The following CTNNA2 variants were observed in gnomAD, a reference collection of about 807,000 sequenced individuals.
CTNNA2 encodes the protein catenin alpha-2.
Under a neutral mutation model 101.0 loss-of-function variants are expected in CTNNA2, and 42 were observed. That is an observed-to-expected ratio of 0.42 (90% CI 0.32 to 0.54). CTNNA2 has a LOEUF of 0.54. Among genes scored for constraint, CTNNA2 ranks in the 20% least tolerant of loss-of-function variants. CTNNA2 has a pLI of 0.14. For synonymous variants in CTNNA2, 450 were observed against 456.4 expected (o/e 0.99, Z 0.18); for missense variants, 871 against 1,223.1 (o/e 0.71, Z 4.29).
At chr2:79,549,889 G>T (rs1381430516) in intron 1 of CTNNA2, among the ~76,000 whole-genome samples, 2 of 152,108 alleles carry the variant, frequency 1.3e-5, no homozygotes, top group Non-Finnish European at 2.9e-5. Flanking sequence ...TGAGACTTAT[G>T]CTTGACTTTA....
At chr2:79,347,951 A>G (rs902373920) in intron 3 of CTNNA2, among the ~76,000 whole-genome samples, 1 of 152,108 alleles carries the variant, frequency 6.6e-6, no homozygotes, top group Admixed American at 6.5e-5. Context: ...GATACTTGGC[A>G]CACCCCATTT....
intron 1 of CTNNA2, among the ~76,000 whole-genome samples, chr2:79,600,148 G>GAGATAGTTCCCTAAATTGAACTACACCA (rs1677456802): frequency 6.6e-6 from 1 of 151,770 alleles, no homozygotes; most frequent in African/African-American, 2.4e-5. Context: ...GAACTACACC[G>GAGATAGTTCCCTAAATTGAACTACACCA]AGAGATAGTG....
chr2:79,756,381 A>G (rs752508202), intron 3 of CTNNA2, among the ~76,000 whole-genome samples: 1 of 152,296 alleles, frequency 6.6e-6, no homozygotes, highest in Non-Finnish European at 1.5e-5. Flanking sequence ...TTTGAGTTCT[A>G]TGCACAGGCA....
rs1676393724 is a variant in CTNNA2, at chr2:80,302,239, C to A, written c.1057-90972C>A. 1.2e-6 allele frequency: 2 copies of A among 1,608,064 alleles called. No individual in the cohort carries two copies. The highest frequency in any genetic ancestry group is 2.7e-5 in the African/African-American group (2 of 75,004). ...TATTTGGTAGCGCATGGGTTGAGAG[C>A]CACTGGGACAATCACACCTCGCATT... On this transcript the variant is annotated intron_variant, in intron 7 of 18. Coordinates refer to ENST00000402739, the MANE Select transcript of CTNNA2 (RefSeq NM_001282597.3). The surrounding 1 kb of genome is among the most constrained non-coding windows in gnomAD (Gnocchi z 6.4).
intron 3 of CTNNA2, among the ~76,000 whole-genome samples, chr2:79,826,225 A>G (rs886311732): frequency 6.6e-6 from 1 of 152,266 alleles, no homozygotes; most frequent in Non-Finnish European, 1.5e-5. Flanking sequence ...ATAAATGACC[A>G]TCTACATGAC....
chr2:80,396,267 G>T (rs1017296490), intron 8 of CTNNA2, among the ~76,000 whole-genome samples: 1 of 152,194 alleles, frequency 6.6e-6, no homozygotes, highest in Non-Finnish European at 1.5e-5. Context: ...TGATTAACAT[G>T]AATCCATCTT....
At chr2:80,285,630 A>G (rs1200422297) in intron 7 of CTNNA2, among the ~76,000 whole-genome samples, 1 of 152,212 alleles carries the variant, frequency 6.6e-6, no homozygotes, top group Admixed American at 6.5e-5. Context: ...CAGTGAGCCC[A>G]CTGGATAAAT....
intron 6 of CTNNA2, among the ~76,000 whole-genome samples, chr2:79,908,817 T>A (rs963557643): frequency 6.6e-6 from 1 of 152,218 alleles, no homozygotes; most frequent in African/African-American, 2.4e-5. Context: ...AAGACTGTTA[T>A]AGCTCCTGAA....
At chr2:80,358,776 G>A (rs1200013446) in intron 7 of CTNNA2, among the ~76,000 whole-genome samples, 1 of 151,890 alleles carries the variant, frequency 6.6e-6, no homozygotes, top group Non-Finnish European at 1.5e-5. Context: ...CAGTTGCAAA[G>A]GATGCACTTT....
At chr2:79,846,009 AT>A (rs1680207588) in intron 3 of CTNNA2, among the ~76,000 whole-genome samples, 1 of 152,206 alleles carries the variant, frequency 6.6e-6, no homozygotes, top group Non-Finnish European at 1.5e-5. Flanking sequence ...TAGGTCAGAA[AT>A]TAAAGGCTAT....
chr2:79,189,856 C>T (rs536003340), intron 1 of CTNNA2, among the ~76,000 whole-genome samples: 3 of 151,916 alleles, frequency 2.0e-5, no homozygotes, highest in Admixed American at 6.6e-5. Context: ...AGATTTAGAT[C>T]GCAAAGGTGC....
chr2:79,669,445 G>A (rs571942449), intron 2 of CTNNA2, among the ~76,000 whole-genome samples: 1 of 152,294 alleles, frequency 6.6e-6, no homozygotes, highest in South Asian at 2.1e-4. Flanking sequence ...CTTTGCCCGA[G>A]TTCTTGTCCT....
chr2:80,470,730 T>C (rs897833334), intron 9 of CTNNA2, among the ~76,000 whole-genome samples: 1 of 152,102 alleles, frequency 6.6e-6, no homozygotes, highest in Non-Finnish European at 1.5e-5. Flanking sequence ...ACCTGAGGAA[T>C]AGAGAAAGCA....
intron 3 of CTNNA2, among the ~76,000 whole-genome samples, chr2:79,351,644 G>GTA (rs1677389880): frequency 2.0e-5 from 3 of 151,956 alleles, no homozygotes; most frequent in Admixed American, 2.0e-4. Flanking sequence ...TTATGACCAT[G>GTA]TATACCCAAT....
chr2:80,075,651 AAAT>A (rs1386345081), intron 7 of CTNNA2, among the ~76,000 whole-genome samples: 3 of 94,428 alleles, frequency 3.2e-5, no homozygotes, highest in Admixed American at 2.7e-4. Flanking sequence ...AATATTATAA[AAAT>A]AATATTTATA....
At position 80,545,818 on chromosome 2, in the gene CTNNA2, G is replaced by T; in HGVS notation, c.1384-89G>T. 3.0e-6 allele frequency: 4 copies of T among 1,330,680 alleles called. No individual in the cohort carries two copies. The Admixed American group carries it at 6.2e-5, about 21-fold the overall frequency. The allele number at this position is 1,330,680 out of a possible 1,614,324, so 82.4% of individuals were successfully genotyped here. On this transcript the variant is annotated intron_variant, in intron 10 of 18. Coordinates refer to ENST00000402739, the MANE Select transcript of CTNNA2 (RefSeq NM_001282597.3). The stretch of plus-strand genomic sequence containing the variant: ...ACCCACTTATCTGTAGAACGTACAG[G>T]GTGCATGGTTTTAACATGGTCTTTG...
At chr2:79,929,800 A>C (rs1036326384) in intron 7 of CTNNA2, among the ~76,000 whole-genome samples, 25 of 152,178 alleles carry the variant, frequency 1.6e-4, no homozygotes, top group African/African-American at 6.0e-4. Context: ...AATGATAATC[A>C]GTTCCATATT....
chr2:79,569,581 A>G (rs550780830), intron 1 of CTNNA2, among the ~76,000 whole-genome samples: 10 of 152,266 alleles, frequency 6.6e-5, no homozygotes, highest in African/African-American at 2.4e-4. Context: ...CACAGGTGCT[A>G]GTAGGATCTG....
intron 3 of CTNNA2, among the ~76,000 whole-genome samples, chr2:79,353,387 G>A (rs1380729932): frequency 2.0e-5 from 3 of 152,154 alleles, no homozygotes; most frequent in East Asian, 1.9e-4. Flanking sequence ...TGAATTTATT[G>A]AGACTTGCTT....
Sources: allele counts gnomAD v4.1 joint callset (sites outside exome capture counted in the v4.1 genomes callset), GRCh38; gene constraint gnomAD v4.1.1; non-coding constraint Gnocchi (gnomAD v3.1); transcripts MANE v1.5; gene names NCBI Gene and HGNC (gene_info 2026-07-23, HGNC 2026-07-21).